The following RSBN1 variants were observed in gnomAD, a reference collection of about 807,000 sequenced individuals.
The protein encoded by RSBN1 is lysine-specific demethylase 9.
A neutral mutation model predicts 74.8 loss-of-function variants in RSBN1; 23 were observed. That is an observed-to-expected ratio of 0.31 (90% CI 0.22 to 0.44). The LOEUF is 0.44. Ranked by LOEUF, RSBN1 falls within the 20% of genes least tolerant of loss-of-function variation. RSBN1 has a pLI of 1.00. For synonymous variants in RSBN1, 407 were observed against 379.6 expected (o/e 1.07, Z -0.84); for missense variants, 808 against 1,020.9 (o/e 0.79, Z 2.84).
At chr1:113,790,492 G>A (rs960140123) in intron 2 of RSBN1, among the ~76,000 whole-genome samples, 2 of 152,108 alleles carry the variant, frequency 1.3e-5, no homozygotes, top group Admixed American at 6.5e-5. Flanking sequence ...AGGAGAGAAT[G>A]AGGAAAAGAT....
At chr1:113,786,472 G>C (rs931166003) in intron 2 of RSBN1, among the ~76,000 whole-genome samples, 1 of 152,104 alleles carries the variant, frequency 6.6e-6, no homozygotes, top group Non-Finnish European at 1.5e-5. Context: ...GTAATAACAC[G>C]TGTCTTTTAA....
chr1:113,785,593 C>G (rs756314083), intron 2 of RSBN1, among the ~76,000 whole-genome samples: 13 of 152,144 alleles, frequency 8.5e-5, no homozygotes, highest in Non-Finnish European at 1.6e-4. Context: ...TTGAAGCTTA[C>G]AGTCTAGTAA....
At chr1:113,797,327 G>T (rs766906297) in intron 2 of RSBN1, 36 bp downstream of exon 2, 1 of 1,211,404 alleles carries the variant, frequency 8.3e-7, no homozygotes, top group Non-Finnish European at 1.1e-6. Context: ...GTTTAGAATC[G>T]TATTTACTAA....
At chr1:113,785,462 G>T (rs1660222373) in intron 2 of RSBN1, among the ~76,000 whole-genome samples, 1 of 152,068 alleles carries the variant, frequency 6.6e-6, no homozygotes, top group African/African-American at 2.4e-5. Flanking sequence ...ATAATCTTAT[G>T]GAGTCAGCGT....
chr1:113,769,115 C>T (rs1158432263), intron 4 of RSBN1, among the ~76,000 whole-genome samples: 2 of 152,140 alleles, frequency 1.3e-5, no homozygotes, highest in Non-Finnish European at 2.9e-5. Context: ...GTTTATTCAT[C>T]CCTTTGTCCA....
Position 113,785,708 on chromosome 1 carries a change from G to A in RSBN1, c.1378-7900C>T, listed in dbSNP as rs12048261. Among the ~76,000 whole-genome samples the A allele has an allele frequency of 6.6e-4, 101 of 152,306 alleles. 2 individuals carry two copies. The East Asian group carries it at 0.016, about 25-fold the overall frequency. On this transcript the variant is annotated intron_variant, in intron 2 of 6. Transcript: ENST00000261441. ...AAAGAACATGGGATCCTGATCCGGG[G>A]AATAAAGTATTCCTTGAAGTAACAT...
chr1:113,791,080 G>A (rs1660355193), intron 2 of RSBN1, among the ~76,000 whole-genome samples: 1 of 152,126 alleles, frequency 6.6e-6, no homozygotes, highest in Non-Finnish European at 1.5e-5. Flanking sequence ...GAGGACTGGA[G>A]GGAGGTAAGT....
At chr1:113,768,086 T>C in intron 5 of RSBN1, 136 bp downstream of exon 5, 1 of 660,382 alleles carries the variant, frequency 1.5e-6, no homozygotes, top group Non-Finnish European at 2.4e-6. Flanking sequence ...CAAATGTACA[T>C]TTAAAAATGG....
At chr1:113,776,832 A>AT (rs1660040896) in intron 4 of RSBN1, among the ~76,000 whole-genome samples, 2 of 137,706 alleles carry the variant, frequency 1.5e-5, no homozygotes, top group South Asian at 4.7e-4. Flanking sequence ...AAAAAAAAAA[A>AT]TAGTGCAAAA....
At chr1:113,793,550 T>C (rs926261256) in intron 2 of RSBN1, among the ~76,000 whole-genome samples, 3 of 152,212 alleles carry the variant, frequency 2.0e-5, no homozygotes, top group African/African-American at 4.8e-5. Flanking sequence ...TTCATCTCTT[T>C]TCCACTGCTA....
chr1:113,769,555 CTTTT>C (rs916671947), intron 4 of RSBN1, among the ~76,000 whole-genome samples: 2 of 152,092 alleles, frequency 1.3e-5, no homozygotes, highest in Non-Finnish European at 2.9e-5. Context: ...TTGTTTTCTG[CTTTT>C]TTATGTGCTC....
At chr1:113,774,008 T>C (rs1421129866) in intron 4 of RSBN1, among the ~76,000 whole-genome samples, 1 of 151,506 alleles carries the variant, frequency 6.6e-6, no homozygotes, top group Non-Finnish European at 1.5e-5. Context: ...TCTCAAAAAA[T>C]ATTAAAAAAA....
rs943339695 is a variant in RSBN1 at position 113,778,935 on chromosome 1, T to TA, written c.1378-1128dup. ...CTATCATTAATTCCATACAATCTGA[T>TA]ACTATTCCTCTAGTCATTTCATGTA... On this transcript the variant is annotated intron_variant, in intron 2 of 6. Coordinates refer to ENST00000261441, the MANE Select transcript of RSBN1 (RefSeq NM_018364.5). Among the ~76,000 whole-genome samples the TA allele has an allele frequency of 5.4e-4, 83 of 152,368 alleles. 1 individual carries two copies. The highest frequency in any genetic ancestry group is 1.9e-3 in the African/African-American group (81 of 41,580).
At position 113,812,176 on chromosome 1, in the gene RSBN1, C is replaced by A; in HGVS notation, c.237G>T (p.Gly79=). The A allele has an allele frequency of 6.2e-7, 1 of 1,609,162 alleles. No individual in the cohort carries two copies. Among genetic ancestry groups the A allele is most frequent in the Non-Finnish European group, 8.5e-7 (1 of 1,179,850 alleles). ...GCCGTTTAACTCCCCGCGGGGAGAC[C>A]CCAGCATGAGGTTTCTCCTTCCCCT... ...DKEGKEKPHA[G]VSPRGVKRQR... The change falls in exon 1 of 7, where the codon GGG becomes GGT. Residue 79 remains glycine (G), a synonymous_variant. Coordinates refer to ENST00000261441, the MANE Select transcript of RSBN1 (RefSeq NM_018364.5).
At chr1:113,799,262 GC>G (rs1660532453) in intron 1 of RSBN1, among the ~76,000 whole-genome samples, 1 of 152,050 alleles carries the variant, frequency 6.6e-6, no homozygotes, top group Non-Finnish European at 1.5e-5. Flanking sequence ...TCCATATGTT[GC>G]CCAGGCAGGG....
chr1:113,792,889 C>T (rs1448754478), intron 2 of RSBN1, among the ~76,000 whole-genome samples: 1 of 152,032 alleles, frequency 6.6e-6, no homozygotes, highest in Non-Finnish European at 1.5e-5. Context: ...GTATCAACTG[C>T]TAAGAGTTAA....
At chr1:113,798,068 C>T in intron 1 of RSBN1, 32 bp from the exon 2 acceptor site, 1 of 1,557,240 alleles carries the variant, frequency 6.4e-7, no homozygotes, top group Non-Finnish European at 8.7e-7. Context: ...AAGTTAGTTG[C>T]TAGGACTAGT....
At chr1:113,782,986 G>A (rs759119953) in intron 2 of RSBN1, among the ~76,000 whole-genome samples, 20 of 151,960 alleles carry the variant, frequency 1.3e-4, no homozygotes, top group Non-Finnish European at 2.2e-4. Flanking sequence ...AGATTATTTC[G>A]TTGTTGTTGT....
intron 1 of RSBN1, among the ~76,000 whole-genome samples, chr1:113,799,108 T>G (rs1032680655): frequency 1.3e-5 from 2 of 152,218 alleles, no homozygotes; most frequent in African/African-American, 4.8e-5. Context: ...CACATGTACA[T>G]TCTGATCCCA....
Sources: allele counts gnomAD v4.1 joint callset (sites outside exome capture counted in the v4.1 genomes callset), GRCh38; gene constraint gnomAD v4.1.1; transcripts MANE v1.5; gene names NCBI Gene and HGNC (gene_info 2026-07-23, HGNC 2026-07-21).